Variants in STARD9 observed in about 807,000 individuals in gnomAD.
STARD9 encodes StAR related lipid transfer domain containing 9.
In STARD9, 346 loss-of-function variants were observed where a neutral mutation model predicts 399.8. The observed-to-expected ratio is 0.87, with a 90% CI of 0.79 to 0.95. The LOEUF (loss-of-function observed/expected upper bound fraction) is 0.95, where lower values mean the gene tolerates loss of function less well. Among genes scored for constraint, STARD9 ranks in the 40% least tolerant of loss-of-function variants. The probability of loss-of-function intolerance (pLI) is 0.00; values close to 1 mark genes in which losing one functional copy is unlikely to be tolerated. For synonymous variants in STARD9, 2,203 were observed against 2,143.5 expected (o/e 1.03, Z -0.77); for missense variants, 5,832 against 5,667.5 (o/e 1.03, Z -0.93).
At chr15:42,601,597 G>A (rs1362216845) in intron 3 of STARD9, among the ~76,000 whole-genome samples, 11 of 150,578 alleles carry the variant, frequency 7.3e-5, no homozygotes, top group Admixed American at 2.0e-4. Context: ...CCTCCCGGAC[G>A]GGGCGGCTGG....
At position 42,695,754 on chromosome 15, in the gene STARD9, A is replaced by G; in HGVS notation, c.13158A>G (p.Lys4386=). 2 of 1,537,068 alleles carry G rather than the reference A, an allele frequency of 1.3e-6. No individual in the cohort carries two copies. The highest frequency in any genetic ancestry group is 1.7e-6 in the Non-Finnish European group (2 of 1,146,810). Residue 4386 remains lysine (K), a synonymous_variant, in exon 26 of 33, where the codon AAA becomes AAG. Coordinates refer to ENST00000290607, the MANE Select transcript of STARD9 (RefSeq NM_020759.3). ...IISQLLKEED[K]LHTLANSSSL... ...TTTGTCCTTCCCAGGAAGAGGATAA[A>G]CTACATACCTTGGCCAATTCCAGCT...
At chr15:42,620,601 C>T (rs192699475) in intron 3 of STARD9, among the ~76,000 whole-genome samples, 1 of 152,170 alleles carries the variant, frequency 6.6e-6, no homozygotes, top group African/African-American at 2.4e-5. Context: ...AGTTCAGCAT[C>T]ACTTGTTGCA....
At chr15:42,637,802 A>C in intron 4 of STARD9, 105 bp from the exon 5 acceptor site, 7 of 1,162,428 alleles carry the variant, frequency 6.0e-6, no homozygotes, top group Non-Finnish European at 8.7e-6. Flanking sequence ...TAGCACAAGG[A>C]GTCCATGCAC....
intron 7 of STARD9, among the ~76,000 whole-genome samples, chr15:42,639,099 C>T (rs2059482362): frequency 6.6e-6 from 1 of 152,098 alleles, no homozygotes; most frequent in African/African-American, 2.4e-5. Flanking sequence ...TGGTGGCCCA[C>T]CTGTATGAGG....
In STARD9 at chr15:42,601,621, G is replaced by A. The variant is rs547010092; in HGVS notation, c.234+15984G>A. On this transcript the variant is annotated intron_variant, in intron 3 of 32. Coordinates refer to ENST00000290607, the MANE Select transcript of STARD9 (RefSeq NM_020759.3). ...CGGGGCGGCTGGCCGGGTGGGGGCT[G>A]CCCCCCACTTCCCGGATATATCTGT... Among the ~76,000 whole-genome samples the A allele has an allele frequency of 1.2e-3, 180 of 151,372 alleles. 1 individual carries two copies. Among genetic ancestry groups the A allele is most frequent in the African/African-American group, 3.2e-3 (133 of 41,286 alleles).
At chr15:42,638,895 G>A in intron 7 of STARD9, 83 bp downstream of exon 7, 1 of 734,944 alleles carries the variant, frequency 1.4e-6, no homozygotes, top group Non-Finnish European at 2.2e-6. Flanking sequence ...ATTGAACATA[G>A]GTGTAATGAA....
chr15:42,626,736 T>C (rs923357835), intron 3 of STARD9, among the ~76,000 whole-genome samples: 1 of 151,564 alleles, frequency 6.6e-6, no homozygotes, highest in African/African-American at 2.4e-5. Flanking sequence ...GGTCTCGAAC[T>C]CCTGACCCCA....
intron 3 of STARD9, among the ~76,000 whole-genome samples, chr15:42,621,894 C>G (rs1306950091): frequency 6.6e-6 from 1 of 152,118 alleles, no homozygotes; most frequent in African/African-American, 2.4e-5. Context: ...TTTTCAGGTC[C>G]TCTTGGTAAA....
At chr15:42,707,087 A>C (rs2061104279) in intron 26 of STARD9, among the ~76,000 whole-genome samples, 1 of 151,994 alleles carries the variant, frequency 6.6e-6, no homozygotes, top group Non-Finnish European at 1.5e-5. Context: ...ATTACTTTAT[A>C]CTCCTTTAAT....
At chr15:42,596,085 C>G (rs2058498445) in intron 3 of STARD9, among the ~76,000 whole-genome samples, 1 of 152,136 alleles carries the variant, frequency 6.6e-6, no homozygotes, top group South Asian at 2.1e-4. Context: ...TTTAAAATGC[C>G]AAAGCTTATG....
intron 9 of STARD9, among the ~76,000 whole-genome samples, chr15:42,657,878 A>T (rs904140609): frequency 6.6e-6 from 1 of 152,254 alleles, no homozygotes; most frequent in Non-Finnish European, 1.5e-5. Context: ...TGGAGAAAAT[A>T]TGTTTTCAGC....
At chr15:42,645,702 G>A (rs2059631843) in intron 7 of STARD9, among the ~76,000 whole-genome samples, 1 of 151,794 alleles carries the variant, frequency 6.6e-6, no homozygotes, top group African/African-American at 2.4e-5. Context: ...TACCATACCT[G>A]GCTAATTTTT....
chr15:42,691,538 C>T lies in STARD9; in HGVS notation c.9960C>T (p.Ser3320=). The T allele has an allele frequency of 6.5e-7, 1 of 1,537,250 alleles. No individual in the cohort carries two copies. Residue 3320 remains serine, a synonymous_variant, in exon 23 of 33, where the codon TCC becomes TCT. Transcript: ENST00000290607. ...TIFSGPKHSR[S]SPTPQFSVVG... Reference sequence around the variant, plus strand: ...TCTCTGGCCCCAAACACTCCAGGTCCTCCCCCACACCACAGTTCTCAGTTG... The same window carrying T: ...TCTCTGGCCCCAAACACTCCAGGTCTTCCCCCACACCACAGTTCTCAGTTG...
chr15:42,706,841 A>G (rs1262237090), intron 26 of STARD9, among the ~76,000 whole-genome samples: 3 of 152,230 alleles, frequency 2.0e-5, no homozygotes, highest in Non-Finnish European at 4.4e-5. Flanking sequence ...CTTATCCAGA[A>G]TGGGTATTTC....
chr15:42,650,192 G>A (rs2059731839), intron 7 of STARD9, among the ~76,000 whole-genome samples: 1 of 152,118 alleles, frequency 6.6e-6, no homozygotes, highest in Non-Finnish European at 1.5e-5. Context: ...CGGCCTGGTA[G>A]CTTCAGTATC....
At chr15:42,603,756 T>C (rs376146073) in intron 3 of STARD9, among the ~76,000 whole-genome samples, 75 of 152,202 alleles carry the variant, frequency 4.9e-4, no homozygotes, top group African/African-American at 1.8e-3. Context: ...GAGTCAGTTA[T>C]TGGGTGGGAG....
Position 42,685,175 on chromosome 15 carries a change from T to G in STARD9, c.3597T>G (p.His1199Gln). ...ACAGTGACCTACTTGCTCAAACTCA[T>G]AGGAGCTTCTCCTTGGATAGCCTGA... ...ASDSDLLAQT[H>Q]RSFSLDSLID... The change falls in exon 23 of 33, where the codon CAT becomes CAG. Residue 1199 changes from histidine to glutamine, a missense_variant. His to Gln is a conservative substitution (Grantham distance 24). Coordinates refer to ENST00000290607, the MANE Select transcript of STARD9 (RefSeq NM_020759.3). 1 of 1,537,132 alleles carries G rather than the reference T, an allele frequency of 6.5e-7. No homozygotes were observed. The highest frequency in any genetic ancestry group is 8.7e-7 in the Non-Finnish European group (1 of 1,146,904).
chr15:42,643,384 C>T (rs867892534), intron 7 of STARD9, among the ~76,000 whole-genome samples: 6 of 151,992 alleles, frequency 3.9e-5, no homozygotes, highest in African/African-American at 1.5e-4. Context: ...TTAGTAGAGA[C>T]GGGGTTTCAC....
At chr15:42,651,113 C>T in intron 8 of STARD9, 28 bp downstream of exon 8, 1 of 1,459,504 alleles carries the variant, frequency 6.9e-7, no homozygotes, top group Non-Finnish European at 9.3e-7. Context: ...TTCTGTCATT[C>T]TTTTATCCTC....
Sources: allele counts gnomAD v4.1 joint callset (sites outside exome capture counted in the v4.1 genomes callset), GRCh38; gene constraint gnomAD v4.1.1; transcripts MANE v1.5; gene names NCBI Gene and HGNC (gene_info 2026-07-23, HGNC 2026-07-21).